Variants in ADGRG1 observed in about 807,000 individuals in gnomAD.
ADGRG1 encodes the protein adhesion G protein-coupled receptor G1.
ADGRG1 carries 53 observed loss-of-function variants against 73.5 expected under a neutral mutation model. The observed-to-expected ratio is 0.72, with a 90% confidence interval of 0.58 to 0.91. ADGRG1 has a LOEUF of 0.91. Ranked by LOEUF, ADGRG1 falls within the 40% of genes least tolerant of loss-of-function variation. The probability of loss-of-function intolerance (pLI) is 0.00; values close to 1 mark genes in which losing one functional copy is unlikely to be tolerated. For missense variants in ADGRG1, 795 were observed against 871.8 expected (o/e 0.91, Z 1.11); for synonymous variants, 394 against 374.4 (o/e 1.05, Z -0.60).
chr16:57,652,447 C>A (rs915907508), intron 3 of ADGRG1, among the ~76,000 whole-genome samples: 1 of 152,110 alleles, frequency 6.6e-6, no homozygotes, highest in African/African-American at 2.4e-5. Flanking sequence ...GGCCCAGGCC[C>A]GTCAGTGGTG....
chr16:57,643,374 C>G (rs1353943758), intron 1 of ADGRG1: 9 of 165,192 alleles, frequency 5.4e-5, no homozygotes, highest in Non-Finnish European at 8.8e-5. Context: ...AACTGACTCT[C>G]TGGGAGGACT....
chr16:57,635,958 C>T (rs1330767202), intron 1 of ADGRG1: 1 of 985,268 alleles, frequency 1.0e-6, no homozygotes, highest in African/African-American at 1.7e-5. Flanking sequence ...GGCTCCCTGC[C>T]CTGCCCCAGC....
In ADGRG1 at chr16:57,635,736, T is replaced by G. The variant is rs2039186819; in HGVS notation, c.-36+6934T>G. 7 of 985,318 alleles carry G rather than the reference T, an allele frequency of 7.1e-6. No homozygotes were observed. In the South Asian group the frequency reaches 2.4e-4, roughly 33 times the overall value. The allele number at this position is 985,318 out of a possible 1,614,324, so 61.0% of individuals were successfully genotyped here. The stretch of plus-strand genomic sequence containing the variant: ...TGGAGTAGCTGCTGCCGACTCTCCA[T>G]GTCGTTGCCAGGGCATGCAGGACAA... On this transcript the variant is annotated intron_variant, in intron 1 of 13. Transcript: ENST00000562631.
chr16:57,643,578 G>A, intron 1 of ADGRG1: 5 of 984,958 alleles, frequency 5.1e-6, no homozygotes, highest in South Asian at 4.7e-5. Context: ...GGGGTGTCCA[G>A]CAGGTCTGGT....
At chr16:57,652,571 G>C in intron 3 of ADGRG1, 2 of 960,774 alleles carry the variant, frequency 2.1e-6, no homozygotes, top group Non-Finnish European at 2.5e-6. Context: ...ACTTGGTCTT[G>C]TTTGGCCTGT....
chr16:57,644,502 TCATGCATGGG>T (rs1160572113), intron 1 of ADGRG1, among the ~76,000 whole-genome samples: 1 of 136,926 alleles, frequency 7.3e-6, no homozygotes, highest in East Asian at 2.3e-4. Flanking sequence ...ATATGCACAC[TCATGCATGGG>T]CACACACACT....
intron 1 of ADGRG1, chr16:57,642,155 T>G (rs1183450616): frequency 2.0e-6 from 2 of 985,280 alleles, no homozygotes; most frequent in Non-Finnish European, 2.4e-6. Context: ...TCTTAGCTGC[T>G]TGAGATGAAG....
intron 1 of ADGRG1, among the ~76,000 whole-genome samples, chr16:57,645,656 TATGTCCA>T (rs1316984630): frequency 3.3e-5 from 5 of 152,130 alleles, no homozygotes. Context: ...AAGCCTGCAG[TATGTCCA>T]TCAACGGGAT....
At chr16:57,637,744 G>A in intron 1 of ADGRG1, 1 of 977,270 alleles carries the variant, frequency 1.0e-6, no homozygotes, top group Non-Finnish European at 1.2e-6. Context: ...AGGGGCGGGG[G>A]AGAAGGGGAG....
At chr16:57,652,740 G>A in intron 3 of ADGRG1, 1 of 1,019,836 alleles carries the variant, frequency 9.8e-7, no homozygotes, top group Non-Finnish European at 1.2e-6. Flanking sequence ...CCTCATCTGA[G>A]TCCCAGCTAA....
upstream of ADGRG1, among the ~76,000 whole-genome samples, chr16:57,625,312 T>C (rs1247272542): frequency 6.6e-6 from 1 of 152,124 alleles, no homozygotes; most frequent in Non-Finnish European, 1.5e-5. Context: ...CCCATTCCAT[T>C]GCACACAGGG....
In ADGRG1 at chr16:57,651,322, G is replaced by C. The variant is rs1423601188; in HGVS notation, c.187G>C (p.Glu63Gln). The change falls in exon 3 of 14, where the codon GAG (glutamate) becomes CAG (glutamine). Residue 63 changes from glutamate to glutamine, a missense_variant. Physicochemically the swap from Glu to Gln is conservative, Grantham distance 29. Coordinates refer to ENST00000562631, the MANE Select transcript of ADGRG1 (RefSeq NM_201525.4). The stretch of plus-strand genomic sequence containing the variant: ...GCGCATCTCCATCGAGAACTCCGAA[G>C]AGGCCCTCACAGTCCATGCCCCTTT... ...DLRISIENSE[E>Q]ALTVHAPFPA... The C allele has an allele frequency of 2.5e-6, 4 of 1,614,056 alleles. No individual in the cohort carries two copies. The African/African-American group carries it at 5.3e-5, about 22-fold the overall frequency.
Position 57,665,162 on chromosome 16 carries a change from A to G in ADGRG1, c.*1580A>G, listed in dbSNP as rs2048003728. On this transcript the variant is annotated 3_prime_UTR_variant, in exon 14 of 14. Coordinates refer to ENST00000562631, the MANE Select transcript of ADGRG1 (RefSeq NM_201525.4). ...AGAGAGAAGAGGGCTGTGTGTGAAG[A>G]AAAAAAAAAAATCGACTGCTGGAAA... is the stretch of plus-strand genomic sequence containing the variant. 9.2e-6 allele frequency: 1 copy of G among 108,994 alleles called. No homozygotes were observed. Among genetic ancestry groups the G allele is most frequent in the Non-Finnish European group, 1.9e-5 (1 of 51,612 alleles). The allele number at this position is 108,994 out of a possible 1,614,324, so 6.8% of individuals were successfully genotyped here.
At chr16:57,650,149 C>T (rs548286751) in intron 1 of ADGRG1, 104 bp from the exon 2 acceptor site, 57 of 1,544,950 alleles carry the variant, frequency 3.7e-5, no homozygotes, top group Admixed American at 5.8e-5. Context: ...CTTGCTTCCC[C>T]ACCTCACCTC....
chr16:57,628,625 TCTCCGCA>T (rs1567665503), exon 1 of ADGRG1: 4 of 985,350 alleles, frequency 4.1e-6, no homozygotes, highest in East Asian at 4.5e-4. Context: ...GGTCCCTCCC[TCTCCGCA>T]CTAGCTGTCT....
Position 57,643,529 on chromosome 16 carries a change from C to T in ADGRG1, c.-35-6724C>T, listed in dbSNP as rs8054308. ...AAGCACTTGGTTGGACCAGAAGCCA[C>T]GGGGACAGTGAGGCCTGAGCTGGCG... On this transcript the variant is annotated intron_variant, in intron 1 of 13. Transcript: ENST00000562631. The T allele has an allele frequency of 9.2e-6, 9 of 973,738 alleles. No homozygotes were observed. In the African/African-American group the frequency reaches 1.2e-4, roughly 13 times the overall value. The allele number at this position is 973,738 out of a possible 1,614,324, so 60.3% of individuals were successfully genotyped here.
upstream of ADGRG1, among the ~76,000 whole-genome samples, chr16:57,625,235 G>A (rs2035607069): frequency 6.6e-6 from 1 of 152,132 alleles, no homozygotes; most frequent in Non-Finnish European, 1.5e-5. Context: ...GAGCCCCAAC[G>A]ACGTGTTTCC....
chr16:57,641,592 G>T (rs1243521397), intron 1 of ADGRG1: 12 of 904,138 alleles, frequency 1.3e-5, no homozygotes, highest in Non-Finnish European at 1.6e-5. Context: ...TTGAGACAGG[G>T]TCTCGCTCTG....
intron 11 of ADGRG1, chr16:57,660,155 C>A: frequency 1.6e-6 from 1 of 625,450 alleles, no homozygotes; most frequent in Non-Finnish European, 2.0e-6. Context: ...CCTCTTATGT[C>A]AGACCTACAG....
Sources: allele counts gnomAD v4.1 joint callset (sites outside exome capture counted in the v4.1 genomes callset), GRCh38; gene constraint gnomAD v4.1.1; transcripts MANE v1.5; gene names NCBI Gene and HGNC (gene_info 2026-07-23, HGNC 2026-07-21).